Variants in RAP1GDS1 observed in about 807,000 individuals in gnomAD.
RAP1GDS1 encodes the protein Rap1 GTPase-GDP dissociation stimulator 1.
A neutral mutation model predicts 71.1 loss-of-function variants in RAP1GDS1; 35 were observed. That is an observed-to-expected ratio of 0.49 (90% CI 0.38 to 0.65). The LOEUF (loss-of-function observed/expected upper bound fraction) is 0.65. RAP1GDS1 is among the 30% of genes least tolerant of loss of function. RAP1GDS1 has a pLI of 0.00. For missense variants in RAP1GDS1, 663 were observed against 706.1 expected, an observed-to-expected ratio of 0.94 and a Z score of 0.69; for synonymous variants, 229 against 243.1, an observed-to-expected ratio of 0.94 and a Z score of 0.54.
At chr4:98,338,038 A>G (rs1734948040) in intron 2 of RAP1GDS1, among the ~76,000 whole-genome samples, 1 of 152,116 alleles carries the variant, frequency 6.6e-6, no homozygotes, top group Non-Finnish European at 1.5e-5. Context: ...GGAGTTAGGG[A>G]GACTTGAGGA....
intron 5 of RAP1GDS1, chr4:98,387,596 C>A: frequency 2.6e-6 from 1 of 383,860 alleles, no homozygotes; most frequent in Non-Finnish European, 5.5e-6. Flanking sequence ...CTTTCTTCCT[C>A]TTCCTCCCCA....
At chr4:98,289,824 T>G (rs554386385) in intron 1 of RAP1GDS1, among the ~76,000 whole-genome samples, 1 of 152,240 alleles carries the variant, frequency 6.6e-6, no homozygotes, top group African/African-American at 2.4e-5. Context: ...ATGCCATTCA[T>G]TTTGAGATAA....
intron 5 of RAP1GDS1, chr4:98,387,408 G>T (rs546389764): frequency 5.3e-5 from 24 of 455,548 alleles, no homozygotes; most frequent in South Asian, 1.4e-4. Context: ...GGGGGAAAAG[G>T]TTCCTCAACT....
At chr4:98,437,842 A>G (rs1751357460) in intron 14 of RAP1GDS1, among the ~76,000 whole-genome samples, 1 of 151,620 alleles carries the variant, frequency 6.6e-6, no homozygotes, top group Non-Finnish European at 1.5e-5. Context: ...TATATCTTCT[A>G]TGGACATTGG....
At chr4:98,267,477 C>T (rs189872666) in intron 1 of RAP1GDS1, among the ~76,000 whole-genome samples, 124 of 152,240 alleles carry the variant, frequency 8.1e-4, no homozygotes, top group Non-Finnish European at 1.5e-3. Context: ...GGTAGTTTTT[C>T]AGCCCTTGCC....
chr4:98,286,937 A>G lies in RAP1GDS1; in HGVS notation c.5-6471A>G, dbSNP rs1392662721. Among the ~76,000 whole-genome samples, 7 of 151,856 alleles carry G rather than the reference A, an allele frequency of 4.6e-5. No homozygotes were observed. In the East Asian group the frequency reaches 7.7e-4, roughly 17 times the overall value. On this transcript the variant is annotated intron_variant, in intron 1 of 14. Coordinates refer to ENST00000408927, the MANE Select transcript of RAP1GDS1 (RefSeq NM_001100427.2). ...AATGAATGAAAAATTACTGCTTAGA[A>G]AATTTTTATCACATTTCTAAAATAG... is the stretch of plus-strand genomic sequence containing the variant.
At chr4:98,355,185 T>G (rs1035224943) in intron 4 of RAP1GDS1, among the ~76,000 whole-genome samples, 4 of 152,172 alleles carry the variant, frequency 2.6e-5, no homozygotes, top group Non-Finnish European at 5.9e-5. Context: ...TTAAACAAGT[T>G]TTTAGTGGCT....
At chr4:98,416,334 GTTTTTTTTTTTTTTT>G (rs70955932) in intron 7 of RAP1GDS1, among the ~76,000 whole-genome samples, 5 of 51,570 alleles carry the variant, frequency 9.7e-5, no homozygotes, top group East Asian at 5.9e-4. Flanking sequence ...CATTTTCTTA[GTTTTTTTTTTTTTTT>G]TTTTTTTTTT....
chr4:98,422,897 T>G (rs1433686445), intron 12 of RAP1GDS1, among the ~76,000 whole-genome samples: 1 of 152,180 alleles, frequency 6.6e-6, no homozygotes, highest in Non-Finnish European at 1.5e-5. Flanking sequence ...CCAAGCAGTA[T>G]GTTGGCAAGG....
intron 2 of RAP1GDS1, among the ~76,000 whole-genome samples, chr4:98,330,305 A>T (rs985274335): frequency 1.3e-5 from 2 of 152,228 alleles, no homozygotes; most frequent in Admixed American, 6.5e-5. Context: ...CGGTATCGTC[A>T]TCATGGCCCG....
chr4:98,442,706 T>G lies in RAP1GDS1; in HGVS notation c.*589T>G, dbSNP rs1305281373. ...TTTTTCCTTTTTAGACTATTGAAACTGCCACAAACTTGGCAAGACTTTCTG... is the reference window on the plus strand; with the variant it reads ...TTTTTCCTTTTTAGACTATTGAAACGGCCACAAACTTGGCAAGACTTTCTG... On this transcript the variant is annotated 3_prime_UTR_variant, in exon 15 of 15. Coordinates refer to ENST00000408927, the MANE Select transcript of RAP1GDS1 (RefSeq NM_001100427.2). 4.4e-6 allele frequency: 1 copy of G among 227,600 alleles called. No individual in the cohort carries two copies. Among genetic ancestry groups the G allele is most frequent in the Non-Finnish European group, 8.7e-6 (1 of 114,328 alleles). 14.1% of individuals were successfully genotyped at this position (227,600 alleles called of 1,614,324 possible). A position where few individuals can be genotyped will look rare whatever the true frequency, so the allele number is the denominator to read the frequency against.
chr4:98,297,587 G>A (rs1469667416), intron 2 of RAP1GDS1, among the ~76,000 whole-genome samples: 2 of 152,094 alleles, frequency 1.3e-5, no homozygotes, highest in Admixed American at 1.3e-4. Flanking sequence ...GGGGTGCCGT[G>A]AACCATGCCC....
chr4:98,380,572 T>C (rs536937235), intron 5 of RAP1GDS1, among the ~76,000 whole-genome samples: 1 of 151,710 alleles, frequency 6.6e-6, no homozygotes, highest in Non-Finnish European at 1.5e-5. Context: ...GAAGAACAAA[T>C]GCCCTAAATA....
At chr4:98,338,862 C>T (rs1401183694) in intron 2 of RAP1GDS1, among the ~76,000 whole-genome samples, 1 of 151,984 alleles carries the variant, frequency 6.6e-6, no homozygotes, top group Non-Finnish European at 1.5e-5. Context: ...ATCATAAATT[C>T]AGTTTATTGT....
At position 98,380,676 on chromosome 4, in the gene RAP1GDS1, G is replaced by A. The variant is rs73834460; in HGVS notation, c.508+1513G>A. Among the ~76,000 whole-genome samples the A allele has an allele frequency of 3.8e-3, 582 of 151,880 alleles. 6 individuals are homozygous for A. Among genetic ancestry groups the A allele is most frequent in the African/African-American group, 0.013 (557 of 41,498 alleles). ...TGAAATTTAACCACAATACATAGGT[G>A]TCTGAATTGCATTAAGAAATCATTG... On this transcript the variant is annotated intron_variant, in intron 5 of 14. Coordinates refer to ENST00000408927, the MANE Select transcript of RAP1GDS1 (RefSeq NM_001100427.2).
chr4:98,300,485 C>T (rs1318485523), intron 2 of RAP1GDS1, among the ~76,000 whole-genome samples: 1 of 151,816 alleles, frequency 6.6e-6, no homozygotes, highest in Non-Finnish European at 1.5e-5. Flanking sequence ...CTGCAACCTC[C>T]TCCTCCCATG....
chr4:98,320,118 TATAAC>T (rs1171997509), intron 2 of RAP1GDS1, among the ~76,000 whole-genome samples: 19 of 152,256 alleles, frequency 1.2e-4, no homozygotes, highest in Admixed American at 9.8e-4. Flanking sequence ...ATGTAATACA[TATAAC>T]ATACTGAATA....
At chr4:98,431,842 A>AT (rs1257468255) in intron 12 of RAP1GDS1, among the ~76,000 whole-genome samples, 1 of 152,220 alleles carries the variant, frequency 6.6e-6, no homozygotes, top group African/African-American at 2.4e-5. Context: ...TGTTTTATCT[A>AT]TTTTTTAATC....
Position 98,434,016 on chromosome 4 carries a change from G to C in RAP1GDS1, c.1521G>C (p.Gln507His). ...CAACTAGTGAACATGTAATAATGCAGAATGAAGCTCTTGTTGCTTTGGCAT... is the reference window on the plus strand; with the variant it reads ...CAACTAGTGAACATGTAATAATGCACAATGAAGCTCTTGTTGCTTTGGCAT... Reference protein sequence around the residue: ...TMATSEHVIMQNEALVALALI... With the variant: ...TMATSEHVIMHNEALVALALI... The change falls in exon 13 of 15, where the codon CAG becomes CAC. Residue 507 changes from glutamine to histidine, a missense_variant. By Grantham distance (24) the Gln-to-His change is conservative. Coordinates refer to ENST00000408927, the MANE Select transcript of RAP1GDS1 (RefSeq NM_001100427.2). The C allele has an allele frequency of 6.2e-7, 1 of 1,613,900 alleles. No individual in the cohort carries two copies.
Sources: gnomAD v4.1 joint callset for allele counts (sites outside exome capture counted in the v4.1 genomes callset) on GRCh38, gnomAD v4.1.1 for gene constraint, MANE v1.5 for transcripts, NCBI Gene and HGNC (gene_info 2026-07-23, HGNC 2026-07-21) for gene names.